Variants in FYB1 observed in about 807,000 individuals in gnomAD.
FYB1 encodes FYN-binding protein 1.
A neutral mutation model predicts 94.1 loss-of-function variants in FYB1; 41 were observed. The ratio of observed to expected loss-of-function variants is 0.44; its 90% CI spans 0.34 to 0.57. FYB1 has a LOEUF of 0.57. Among genes scored for constraint, FYB1 ranks in the 20% least tolerant of loss-of-function variants. The pLI is 0.02. For synonymous variants in FYB1, 367 were observed against 353.2 expected, an observed-to-expected ratio of 1.04 and a Z score of -0.44; for missense variants, 1,050 against 976.8, an observed-to-expected ratio of 1.07 and a Z score of -1.00.
Position 39,167,794 on chromosome 5 carries a change from G to T in FYB1, c.1136-14190C>A, listed in dbSNP as rs1008120450. Among the ~76,000 whole-genome samples the T allele has an allele frequency of 3.3e-5, 5 of 152,160 alleles. No individual in the cohort carries two copies. The South Asian group carries it at 6.2e-4, about 19-fold the overall frequency. ...GATCTGCCAATTGTCCTCCAGTGAGGCTTCAGCAATGTGCCTCAATGAAGT... is the reference window on the plus strand; with the variant it reads ...GATCTGCCAATTGTCCTCCAGTGAGTCTTCAGCAATGTGCCTCAATGAAGT... On this transcript the variant is annotated intron_variant, in intron 2 of 18. Coordinates refer to ENST00000512982, the MANE Select transcript of FYB1 (RefSeq NM_001465.6).
At chr5:39,274,070 A>C (rs553234586) in intron 1 of FYB1, among the ~76,000 whole-genome samples, 13 of 152,216 alleles carry the variant, frequency 8.5e-5, no homozygotes, top group African/African-American at 2.9e-4. Flanking sequence ...GATTACAGGC[A>C]TGTGCCACCA....
intron 1 of FYB1, among the ~76,000 whole-genome samples, chr5:39,271,425 A>G (rs1752660678): frequency 6.6e-6 from 1 of 152,170 alleles, no homozygotes; most frequent in Non-Finnish European, 1.5e-5. Flanking sequence ...GCCTTCTACT[A>G]AAGTAAGTTC....
chr5:39,262,949 G>T (rs1752283843), intron 1 of FYB1, among the ~76,000 whole-genome samples: 1 of 152,136 alleles, frequency 6.6e-6, no homozygotes, highest in African/African-American at 2.4e-5. Context: ...TTTCTGTGCT[G>T]TGGGAAGGAG....
chr5:39,165,135 AT>A (rs1487586154), intron 2 of FYB1, among the ~76,000 whole-genome samples: 1 of 152,226 alleles, frequency 6.6e-6, no homozygotes, highest in East Asian at 1.9e-4. Flanking sequence ...CTTACAAAAA[AT>A]AATCATAAAA....
chr5:39,153,277 G>A (rs887919305), intron 3 of FYB1, among the ~76,000 whole-genome samples, 171 bp downstream of exon 3: 2 of 152,208 alleles, frequency 1.3e-5, no homozygotes, highest in African/African-American at 4.8e-5. Flanking sequence ...AGGGGTATTT[G>A]CACTGCCAGC....
At chr5:39,229,731 C>A (rs1273021242) in intron 1 of FYB1, among the ~76,000 whole-genome samples, 1 of 152,034 alleles carries the variant, frequency 6.6e-6, no homozygotes, top group Non-Finnish European at 1.5e-5. Context: ...TAGATAAGGG[C>A]AATCAGGTTT....
intron 17 of FYB1, 95 bp from the exon 18 acceptor site, chr5:39,108,357 A>G: frequency 8.8e-7 from 1 of 1,134,162 alleles, no homozygotes; most frequent in Admixed American, 2.9e-5. Context: ...TAATTTTATA[A>G]GACACAATTA....
chr5:39,125,704 G>A (rs763107090), intron 12 of FYB1, among the ~76,000 whole-genome samples: 7 of 152,112 alleles, frequency 4.6e-5, no homozygotes, highest in Non-Finnish European at 8.8e-5. Context: ...GTGGATGAGC[G>A]TGAGAGGGTA....
intron 2 of FYB1, among the ~76,000 whole-genome samples, chr5:39,194,446 C>T (rs1041356475): frequency 7.9e-5 from 12 of 151,888 alleles, no homozygotes; most frequent in African/African-American, 2.9e-4. Flanking sequence ...GGATTTGTGC[C>T]CAGGAGTTCA....
chr5:39,141,238 T>A, intron 3 of FYB1, 97 bp from the exon 4 acceptor site: 1 of 854,106 alleles, frequency 1.2e-6, no homozygotes, highest in Non-Finnish European at 1.9e-6. Context: ...TTGTTCTTTT[T>A]TCTTGAACCT....
intron 1 of FYB1, among the ~76,000 whole-genome samples, chr5:39,227,210 A>G (rs573539987): frequency 6.6e-6 from 1 of 152,350 alleles, no homozygotes; most frequent in Non-Finnish European, 1.5e-5. Context: ...TATACCAAAA[A>G]GATATAAAAA....
At chr5:39,129,308 T>C (rs1740970352) in intron 10 of FYB1, among the ~76,000 whole-genome samples, 1 of 151,656 alleles carries the variant, frequency 6.6e-6, no homozygotes, top group Non-Finnish European at 1.5e-5. Flanking sequence ...AAAAATCAAC[T>C]CAAGATAGAT....
chr5:39,273,310 C>T (rs1752715736), intron 1 of FYB1, among the ~76,000 whole-genome samples: 1 of 151,914 alleles, frequency 6.6e-6, no homozygotes, highest in African/African-American at 2.4e-5. Flanking sequence ...AAAAATTCTT[C>T]TGCCTTGGAA....
chr5:39,137,580 A>T lies in FYB1; in HGVS notation c.1515+20T>A, dbSNP rs774394197. The T allele has an allele frequency of 2.3e-5, 35 of 1,534,890 alleles. No homozygotes were observed. Among genetic ancestry groups the T allele is most frequent in the South Asian group, 1.5e-4 (12 of 80,208 alleles). ...ATAAAAAGATGTTATTCTTTCACTC[A>T]TTAGCAAGCAAGCCCTTACTTTAAA... On this transcript the variant is annotated intron_variant, in intron 7 of 18. Coordinates refer to ENST00000512982, the MANE Select transcript of FYB1 (RefSeq NM_001465.6).
chr5:39,136,802 T>G (rs1741713724), intron 7 of FYB1, among the ~76,000 whole-genome samples: 1 of 152,208 alleles, frequency 6.6e-6, no homozygotes, highest in Non-Finnish European at 1.5e-5. Context: ...TTAAAGAAAT[T>G]TGAACCACAT....
chr5:39,161,295 A>G (rs1744227480), intron 2 of FYB1, among the ~76,000 whole-genome samples: 1 of 152,142 alleles, frequency 6.6e-6, no homozygotes, highest in Non-Finnish European at 1.5e-5. Flanking sequence ...TTCCATTTAG[A>G]AAACAAAAAT....
intron 1 of FYB1, among the ~76,000 whole-genome samples, chr5:39,254,214 A>G (rs1470671014): frequency 6.6e-6 from 1 of 152,188 alleles, no homozygotes; most frequent in African/African-American, 2.4e-5. Context: ...TATACTCAGT[A>G]ATGGGATTGC....
chr5:39,135,888 GT>G (rs1183233505), intron 7 of FYB1, among the ~76,000 whole-genome samples: 2 of 152,116 alleles, frequency 1.3e-5, no homozygotes, highest in Non-Finnish European at 2.9e-5. Context: ...TGAAGTCCTA[GT>G]TTTGACAGAC....
At chr5:39,208,635 A>G (rs1749069120) in intron 1 of FYB1, among the ~76,000 whole-genome samples, 2 of 152,188 alleles carry the variant, frequency 1.3e-5, no homozygotes, top group Admixed American at 6.5e-5. Context: ...GAGGGCGATC[A>G]TGAGTACAAG....
Sources: allele counts gnomAD v4.1 joint callset (sites outside exome capture counted in the v4.1 genomes callset), GRCh38; gene constraint gnomAD v4.1.1; transcripts MANE v1.5; gene names NCBI Gene and HGNC (gene_info 2026-07-23, HGNC 2026-07-21).